The following PPP2R5C variants were observed in gnomAD, a reference collection of about 807,000 sequenced individuals.
PPP2R5C encodes the protein serine/threonine-protein phosphatase 2A 56 kDa regulatory subunit gamma isoform.
A neutral mutation model predicts 68.9 loss-of-function variants in PPP2R5C; 7 were observed. The observed-to-expected ratio is 0.10, with a 90% CI of 0.06 to 0.19. The LOEUF (loss-of-function observed/expected upper bound fraction) is 0.19. Ranked by LOEUF, PPP2R5C falls within the 10% of genes least tolerant of loss-of-function variation. PPP2R5C has a pLI of 1.00. For missense variants in PPP2R5C, 348 were observed against 641.3 expected (o/e 0.54, Z 4.94); for synonymous variants, 210 against 222.2 (o/e 0.95, Z 0.49).
At chr14:101,833,083 T>C (rs10132483) in intron 1 of PPP2R5C, among the ~76,000 whole-genome samples, 14,242 of 152,294 alleles carry the variant, frequency 0.094, 670 homozygotes, top group Middle Eastern at 0.14. Context: ...ATTCTTCCCA[T>C]GTTCCGTCTA....
At chr14:101,896,200 A>G (rs908494735) in intron 8 of PPP2R5C, among the ~76,000 whole-genome samples, 9 of 151,576 alleles carry the variant, frequency 5.9e-5, no homozygotes, top group African/African-American at 2.2e-4. Flanking sequence ...TTGCATTTTT[A>G]TTAGAGACAG....
chr14:101,921,694 A>G (rs1308838851), intron 13 of PPP2R5C, among the ~76,000 whole-genome samples: 1 of 152,156 alleles, frequency 6.6e-6, no homozygotes, highest in Non-Finnish European at 1.5e-5. Context: ...TTATTTTTCC[A>G]AAATAATTTC....
At chr14:101,897,076 G>A (rs770595632) in intron 8 of PPP2R5C, among the ~76,000 whole-genome samples, 7 of 152,060 alleles carry the variant, frequency 4.6e-5, no homozygotes, top group African/African-American at 7.2e-5. Flanking sequence ...CTGTCCTGCC[G>A]GGCCCTCGTG....
chr14:101,778,706 A>C (rs981048019), intron 2 of PPP2R5C, among the ~76,000 whole-genome samples: 3 of 152,116 alleles, frequency 2.0e-5, no homozygotes, highest in Non-Finnish European at 4.4e-5. Context: ...TATTCCATCA[A>C]TCTGTATGTC....
At chr14:101,814,315 C>T (rs138263659) in intron 1 of PPP2R5C, among the ~76,000 whole-genome samples, 1 of 152,354 alleles carries the variant, frequency 6.6e-6, no homozygotes, top group Admixed American at 6.5e-5. Context: ...ACAGCCTTAA[C>T]CTTACCCATA....
chr14:101,855,333 A>C (rs954629077), intron 1 of PPP2R5C, among the ~76,000 whole-genome samples: 1 of 152,172 alleles, frequency 6.6e-6, no homozygotes, highest in East Asian at 1.9e-4. Context: ...CTGTTGCCAT[A>C]TGTTGCTTTG....
At chr14:101,780,384 C>T (rs747314605) in intron 2 of PPP2R5C, among the ~76,000 whole-genome samples, 7 of 152,156 alleles carry the variant, frequency 4.6e-5, no homozygotes, top group Non-Finnish European at 8.8e-5. Flanking sequence ...AGGTTGTTCC[C>T]ATACGTTTGA....
In PPP2R5C at chr14:101,793,424, T is replaced by C. The variant is rs573543016; in HGVS notation, c.259+7241T>C. 2.0e-4 allele frequency among the ~76,000 whole-genome samples: 31 copies of C among 152,358 alleles called. 1 individual carries two copies. The East Asian group carries it at 6.0e-3, about 29-fold the overall frequency. ...ACCACTTCACGGGCAGGAACTGGAC[T>C]GCGTGGGTGTGGGAACTAGCTGGCC... is the stretch of plus-strand genomic sequence containing the variant. On this transcript the variant is annotated intron_variant, in intron 3 of 14. Coordinates refer to the PPP2R5C transcript ENST00000328724.
chr14:101,889,698 G>A (rs2044736765), intron 5 of PPP2R5C: 2 of 289,802 alleles, frequency 6.9e-6, no homozygotes, highest in Non-Finnish European at 1.3e-5. Flanking sequence ...GAGACAGCAC[G>A]GAGGATGCGT....
intron 13 of PPP2R5C, among the ~76,000 whole-genome samples, chr14:101,923,712 G>A (rs552373441): frequency 1.4e-4 from 22 of 152,322 alleles, no homozygotes; most frequent in Non-Finnish European, 2.9e-4. Flanking sequence ...CTAAAGTGAT[G>A]TGACAAAATT....
rs2046514444 is a variant in PPP2R5C, at chr14:101,913,879, C to T, written c.1326+1406C>T. Among the ~76,000 whole-genome samples, 2 of 151,280 alleles carry T rather than the reference C, an allele frequency of 1.3e-5. No individual in the cohort carries two copies. ...CGAAAACATGTGAGAAATGAATACA[C>T]ACACACACACAAACACACACACACG... is the stretch of plus-strand genomic sequence containing the variant. On this transcript the variant is annotated intron_variant, in intron 12 of 13. Coordinates refer to ENST00000334743, the Ensembl canonical transcript of PPP2R5C. This position sits in a 1 kb window ranked among gnomAD's most constrained non-coding sequence, Gnocchi z 4.1.
chr14:101,773,905 G>A (rs2037280770), intron 2 of PPP2R5C, among the ~76,000 whole-genome samples: 1 of 152,188 alleles, frequency 6.6e-6, no homozygotes, highest in Non-Finnish European at 1.5e-5. Context: ...GTGTCAGCCA[G>A]GCTAGTCTGA....
At chr14:101,910,183 G>T (rs2046303922) in intron 11 of PPP2R5C, among the ~76,000 whole-genome samples, 1 of 152,166 alleles carries the variant, frequency 6.6e-6, no homozygotes, top group Admixed American at 6.5e-5. Flanking sequence ...GTGCCTTTGA[G>T]CCCACATGTG....
At chr14:101,920,250 C>T (rs992082370) in intron 13 of PPP2R5C, among the ~76,000 whole-genome samples, 2 of 152,160 alleles carry the variant, frequency 1.3e-5, no homozygotes, top group Non-Finnish European at 2.9e-5. Context: ...GTGTGATATT[C>T]GGGGCCCCAG....
intron 9 of PPP2R5C, among the ~76,000 whole-genome samples, chr14:101,903,015 GTTTT>G (rs72219666): frequency 2.3e-5 from 3 of 130,726 alleles, no homozygotes; most frequent in Non-Finnish European, 3.3e-5. Flanking sequence ...TATGTTTTGG[GTTTT>G]TTTTTTTTTT....
chr14:101,918,095 T>C, intron 13 of PPP2R5C, 148 bp downstream of exon 15: 1 of 1,194,928 alleles, frequency 8.4e-7, no homozygotes, highest in Non-Finnish European at 1.2e-6. Flanking sequence ...AAACATTGTA[T>C]CGATAGATCT....
intron 1 of PPP2R5C, among the ~76,000 whole-genome samples, chr14:101,828,676 CT>C (rs547728275): frequency 0.11 from 14,446 of 131,012 alleles, 796 homozygotes; most frequent in African/African-American, 0.16. Flanking sequence ...CACAGATACT[CT>C]TTTTTTTTTT....
intron 2 of PPP2R5C, among the ~76,000 whole-genome samples, chr14:101,861,390 C>G (rs772846487): frequency 6.6e-6 from 1 of 152,204 alleles, no homozygotes; most frequent in Non-Finnish European, 1.5e-5. Flanking sequence ...GATGTTAGAA[C>G]TATTTCCATC....
chr14:101,903,114 T>C (rs1245090690), intron 9 of PPP2R5C, among the ~76,000 whole-genome samples: 2 of 151,204 alleles, frequency 1.3e-5, no homozygotes, highest in East Asian at 2.0e-4. Flanking sequence ...CATGGTTTCC[T>C]AGAAACTGTA....
Sources: allele counts gnomAD v4.1 joint callset (sites outside exome capture counted in the v4.1 genomes callset), GRCh38; gene constraint gnomAD v4.1.1; non-coding constraint Gnocchi (gnomAD v3.1); transcripts MANE v1.5; gene names NCBI Gene and HGNC (gene_info 2026-07-23, HGNC 2026-07-21).